SGIP1: variants seen among roughly 807,000 people sequenced by gnomAD.
The protein encoded by SGIP1 is SH3GL interacting endocytic adaptor 1.
Under a neutral mutation model 107.5 loss-of-function variants are expected in SGIP1, and 38 were observed. The observed-to-expected ratio is 0.35, with a 90% CI of 0.27 to 0.46. The LOEUF (loss-of-function observed/expected upper bound fraction) is 0.46, where lower values mean the gene tolerates loss of function less well. Among genes scored for constraint, SGIP1 ranks in the 20% least tolerant of loss-of-function variants. The pLI, the probability that SGIP1 is intolerant of heterozygous loss-of-function variation, is 1.00. For synonymous variants in SGIP1, 365 were observed against 366.1 expected (o/e 1.00, Z 0.03); for missense variants, 929 against 1,019.5 (o/e 0.91, Z 1.21).
chr1:66,591,798 T>G (rs1235566278), intron 1 of SGIP1, among the ~76,000 whole-genome samples: 1 of 152,084 alleles, frequency 6.6e-6, no homozygotes, highest in African/African-American at 2.4e-5. Flanking sequence ...GACTATAGGG[T>G]AATGGTGGGG....
At chr1:66,619,655 C>A (rs370654711) in intron 1 of SGIP1, among the ~76,000 whole-genome samples, 5 of 152,168 alleles carry the variant, frequency 3.3e-5, no homozygotes, top group Admixed American at 3.3e-4. Flanking sequence ...GAATACAGGA[C>A]AAGGAGAGAA....
At chr1:66,585,656 T>C (rs1226139571) in intron 1 of SGIP1, among the ~76,000 whole-genome samples, 2 of 151,976 alleles carry the variant, frequency 1.3e-5, no homozygotes, top group Non-Finnish European at 2.9e-5. Context: ...TTTTGTTTTG[T>C]TTTGTTTTGT....
At chr1:66,604,036 C>T (rs896047950) in intron 1 of SGIP1, among the ~76,000 whole-genome samples, 2 of 152,194 alleles carry the variant, frequency 1.3e-5, no homozygotes, top group South Asian at 4.2e-4. Flanking sequence ...ATGTGTTGGG[C>T]AGCACATTAT....
intron 5 of SGIP1, among the ~76,000 whole-genome samples, chr1:66,641,203 TAC>T (rs142296491): frequency 1.3e-5 from 2 of 152,052 alleles, no homozygotes; most frequent in East Asian, 3.9e-4. Flanking sequence ...AGTGCTCTTA[TAC>T]ACACACACAT....
At chr1:66,576,465 C>T (rs1270516418) in intron 1 of SGIP1, among the ~76,000 whole-genome samples, 1 of 152,102 alleles carries the variant, frequency 6.6e-6, no homozygotes, top group African/African-American at 2.4e-5. Context: ...CCTCAGTGTC[C>T]TCATCTACAA....
chr1:66,719,141 T>C (rs1373133410), intron 18 of SGIP1, among the ~76,000 whole-genome samples, 153 bp from the exon 19 acceptor site: 1 of 152,210 alleles, frequency 6.6e-6, no homozygotes, highest in Non-Finnish European at 1.5e-5. Context: ...ACTTGAGCTC[T>C]ATGTTGAATA....
At chr1:66,648,390 G>C (rs1482832936) in intron 7 of SGIP1, among the ~76,000 whole-genome samples, 1 of 151,378 alleles carries the variant, frequency 6.6e-6, no homozygotes, top group Non-Finnish European at 1.5e-5. Context: ...GCTTGCAAGT[G>C]AGTGAGTGAG....
chr1:66,559,026 G>T (rs1384952153), intron 1 of SGIP1, among the ~76,000 whole-genome samples: 1 of 152,026 alleles, frequency 6.6e-6, no homozygotes, highest in African/African-American at 2.4e-5. Context: ...GGAGAAGGAT[G>T]CTAAGCAAAC....
chr1:66,641,362 T>A (rs1047917092), intron 5 of SGIP1, among the ~76,000 whole-genome samples: 1 of 152,188 alleles, frequency 6.6e-6, no homozygotes, highest in Admixed American at 6.5e-5. Flanking sequence ...CCATGGTATG[T>A]AGACCCTCTT....
chr1:66,589,206 A>ATGTGTGTGTGTGTGTG lies in SGIP1; in HGVS notation c.11-36640_11-36639insGTGTGTGTGTGTGTGT, dbSNP rs1414306276. On this transcript the variant is annotated intron_variant, in intron 1 of 24. Transcript: ENST00000371037. ...TATATATATATATATATATATATATATATATATATATGTAAGGCTTGGGGT... is the reference window on the plus strand; with the variant it reads ...TATATATATATATATATATATATATATGTGTGTGTGTGTGTGTATATATATATGTAAGGCTTGGGGT... 3.7e-3 allele frequency among the ~76,000 whole-genome samples: 235 copies of ATGTGTGTGTGTGTGTG among 63,310 alleles called. 6 individuals are homozygous for ATGTGTGTGTGTGTGTG. The highest frequency in any genetic ancestry group is 8.2e-3 in the Middle Eastern group (1 of 122). 41.5% of individuals were successfully genotyped at this position (63,310 alleles called of 152,430 possible). A position where few individuals can be genotyped will look rare whatever the true frequency, so the allele number is the denominator to read the frequency against.
At chr1:66,685,769 A>T (rs1443330952) in intron 15 of SGIP1, among the ~76,000 whole-genome samples, 2 of 152,234 alleles carry the variant, frequency 1.3e-5, no homozygotes, top group Non-Finnish European at 2.9e-5. Flanking sequence ...TTCATTCTTT[A>T]GATACAGCAG....
intron 1 of SGIP1, among the ~76,000 whole-genome samples, chr1:66,593,516 C>G (rs2064038820): frequency 6.6e-6 from 1 of 152,184 alleles, no homozygotes; most frequent in Non-Finnish European, 1.5e-5. Context: ...TGATTTGACA[C>G]ATAGCTCCCT....
chr1:66,650,896 A>G (rs1029022884), intron 7 of SGIP1, among the ~76,000 whole-genome samples: 1 of 152,178 alleles, frequency 6.6e-6, no homozygotes, highest in Admixed American at 6.5e-5. Context: ...TGATTAAGAT[A>G]CTGTGCTCTG....
At chr1:66,660,215 G>GAAAGAGAA (rs1557505762) in intron 7 of SGIP1, 1 of 190,482 alleles carries the variant, frequency 5.2e-6, no homozygotes, top group African/African-American at 4.5e-5. Flanking sequence ...AAGAAAGAAA[G>GAAAGAGAA]AGAAAGAAAG....
chr1:66,593,947 A>G (rs1045201280), intron 1 of SGIP1, among the ~76,000 whole-genome samples: 1 of 152,220 alleles, frequency 6.6e-6, no homozygotes, highest in African/African-American at 2.4e-5. Flanking sequence ...AAAGAATAGA[A>G]CACATATTCC....
chr1:66,661,271 G>A (rs1442265383), intron 8 of SGIP1, among the ~76,000 whole-genome samples: 2 of 152,190 alleles, frequency 1.3e-5, no homozygotes, highest in Non-Finnish European at 2.9e-5. Flanking sequence ...TGACCTCTCT[G>A]CTGGAAAATA....
chr1:66,613,630 TAA>T (rs1445704099), intron 1 of SGIP1, among the ~76,000 whole-genome samples: 1 of 152,198 alleles, frequency 6.6e-6, no homozygotes, highest in Non-Finnish European at 1.5e-5. Flanking sequence ...TCACCCAGCC[TAA>T]AATCTAAGGT....
chr1:66,702,947 C>T (rs1338710455), intron 18 of SGIP1, among the ~76,000 whole-genome samples: 1 of 152,108 alleles, frequency 6.6e-6, no homozygotes, highest in Non-Finnish European at 1.5e-5. Flanking sequence ...ACTGGAGTAA[C>T]CAAATGGGGA....
intron 7 of SGIP1, among the ~76,000 whole-genome samples, chr1:66,646,228 T>C (rs1422403793): frequency 1.3e-5 from 2 of 152,140 alleles, no homozygotes; most frequent in Admixed American, 6.6e-5. Context: ...GCTGGTGCCA[T>C]GATCAAAATG....
Sources: allele counts gnomAD v4.1 joint callset (sites outside exome capture counted in the v4.1 genomes callset), GRCh38; gene constraint gnomAD v4.1.1; transcripts MANE v1.5; gene names NCBI Gene and HGNC (gene_info 2026-07-23, HGNC 2026-07-21).